The following DPP6 variants were observed in gnomAD, a reference collection of about 807,000 sequenced individuals.
DPP6 encodes the protein dipeptidyl peptidase like 6, also known as A-type potassium channel modulatory protein DPP6.
A neutral mutation model predicts 122.6 loss-of-function variants in DPP6; 69 were observed. That is an observed-to-expected ratio of 0.56 (90% CI 0.46 to 0.69). The LOEUF (loss-of-function observed/expected upper bound fraction) is 0.69. Among genes scored for constraint, DPP6 ranks in the 30% least tolerant of loss-of-function variants. The probability of loss-of-function intolerance (pLI) is 0.00; values close to 1 mark genes in which losing one functional copy is unlikely to be tolerated. For synonymous variants in DPP6, 418 were observed against 433.1 expected, an observed-to-expected ratio of 0.97 and a Z score of 0.43; for missense variants, 928 against 1,116.9, an observed-to-expected ratio of 0.83 and a Z score of 2.41.
chr7:154,468,410 C>T lies in DPP6; in HGVS notation c.359-6529C>T, dbSNP rs143837374. On this transcript the variant is annotated intron_variant, in intron 2 of 25. Coordinates refer to ENST00000377770, the MANE Select transcript of DPP6 (RefSeq NM_130797.4). ...GTCAGTAATGGTGCACAACTCTGAA[C>T]ATACTAAAACCATTGTGTTGTAGAC... Among the ~76,000 whole-genome samples, 28 of 152,248 alleles carry T rather than the reference C, an allele frequency of 1.8e-4. No homozygotes were observed. The East Asian group carries it at 5.4e-3, about 29-fold the overall frequency.
At chr7:154,867,784 AC>A (rs1239626803) in intron 17 of DPP6, among the ~76,000 whole-genome samples, 1 of 152,134 alleles carries the variant, frequency 6.6e-6, no homozygotes, top group Non-Finnish European at 1.5e-5. Context: ...TCTTTAATCC[AC>A]CCAAATTCCA....
rs1802841472 is a variant in DPP6 at position 154,067,886 on chromosome 7, AC to A, written c.243+14826del. On this transcript the variant is annotated intron_variant, in intron 1 of 25. Coordinates refer to ENST00000377770, the MANE Select transcript of DPP6 (RefSeq NM_130797.4). ...CAGCCTGTCAAGTGCATGCCACCAC[AC>A]CCACTCAAGGTTTTTTTTTGTTTTT... 2.7e-5 allele frequency among the ~76,000 whole-genome samples: 4 copies of A among 148,044 alleles called. No homozygotes were observed. In the East Asian group the frequency reaches 7.8e-4, roughly 29 times the overall value.
intron 1 of DPP6, among the ~76,000 whole-genome samples, chr7:153,915,951 ATTTAT>A (rs1159599531): frequency 5.7e-5 from 4 of 70,576 alleles, no homozygotes; most frequent in African/African-American, 1.8e-4. Flanking sequence ...ATTTTTATTT[ATTTAT>A]TTATTTATTT....
At chr7:154,495,590 A>G (rs1395922515) in intron 3 of DPP6, among the ~76,000 whole-genome samples, 1 of 152,020 alleles carries the variant, frequency 6.6e-6, no homozygotes, top group Non-Finnish European at 1.5e-5. Flanking sequence ...GGATTTCCCC[A>G]TGTTGGCCAG....
At chr7:154,243,861 T>C (rs1451436697) in intron 1 of DPP6, among the ~76,000 whole-genome samples, 1 of 151,780 alleles carries the variant, frequency 6.6e-6, no homozygotes, top group Admixed American at 6.6e-5. Context: ...AGAGAATTAT[T>C]TGACCTGAAA....
At chr7:154,667,866 C>T (rs909005510) in intron 6 of DPP6, among the ~76,000 whole-genome samples, 10 of 152,058 alleles carry the variant, frequency 6.6e-5, no homozygotes, top group African/African-American at 1.9e-4. Flanking sequence ...TCTGAATTGG[C>T]ATCGTCACTC....
rs543776278 is a variant in DPP6, at chr7:154,110,155, G to C, written c.243+57092G>C. On this transcript the variant is annotated intron_variant, in intron 1 of 25. Coordinates refer to ENST00000377770, the MANE Select transcript of DPP6 (RefSeq NM_130797.4). Reference sequence around the variant, plus strand: ...GTGGCTTTCAGGCTACCAATGGGTGGGGAGTTTTGTGCGAGAAAATGGACC... The same window carrying C: ...GTGGCTTTCAGGCTACCAATGGGTGCGGAGTTTTGTGCGAGAAAATGGACC... Among the ~76,000 whole-genome samples the C allele has an allele frequency of 3.3e-5, 5 of 152,126 alleles. No homozygotes were observed. In the East Asian group the frequency reaches 7.7e-4, roughly 24 times the overall value.
chr7:154,772,201 C>G (rs992920417), intron 9 of DPP6, among the ~76,000 whole-genome samples: 10 of 152,240 alleles, frequency 6.6e-5, no homozygotes, highest in Admixed American at 6.5e-4. Flanking sequence ...CCCATTCCCA[C>G]CCACTCCTAA....
chr7:154,644,232 A>T (rs1362984064), intron 6 of DPP6, among the ~76,000 whole-genome samples: 2 of 152,210 alleles, frequency 1.3e-5, no homozygotes, highest in African/African-American at 4.8e-5. Flanking sequence ...GGAAGATCAA[A>T]ATTCTGGATT....
chr7:154,077,214 C>T (rs181021179), intron 1 of DPP6, among the ~76,000 whole-genome samples: 2 of 152,218 alleles, frequency 1.3e-5, no homozygotes, highest in Admixed American at 1.3e-4. Flanking sequence ...TAACTCTGTA[C>T]TAAAGCCAAT....
chr7:153,827,791 T>A, the DPP6 span, among the ~76,000 whole-genome samples: 23 of 152,072 alleles, frequency 1.5e-4, no homozygotes, highest in Non-Finnish European at 2.6e-4. Flanking sequence ...AGTGAGAGAC[T>A]TCCCACTTCT....
At chr7:154,718,041 G>C (rs1563136632) in intron 7 of DPP6, among the ~76,000 whole-genome samples, 1 of 152,168 alleles carries the variant, frequency 6.6e-6, no homozygotes, top group Non-Finnish European at 1.5e-5. Context: ...TTTGCCATCT[G>C]TATGTCTTCT....
At chr7:153,799,523 A>C in the DPP6 span, among the ~76,000 whole-genome samples, 2 of 152,102 alleles carry the variant, frequency 1.3e-5, no homozygotes, top group Non-Finnish European at 2.9e-5. Flanking sequence ...CTCCATGTAC[A>C]CACCATCCCG....
intron 19 of DPP6, among the ~76,000 whole-genome samples, chr7:154,873,605 G>T (rs1421859203): frequency 6.6e-6 from 1 of 152,140 alleles, no homozygotes; most frequent in Non-Finnish European, 1.5e-5. Context: ...ATAGCAAAAA[G>T]GTTCCATTAT....
intron 1 of DPP6, among the ~76,000 whole-genome samples, chr7:154,102,743 G>A (rs1296691949): frequency 6.6e-6 from 1 of 152,140 alleles, no homozygotes; most frequent in Non-Finnish European, 1.5e-5. Flanking sequence ...TCTATTTCAT[G>A]TCAGACAACC....
rs887040805 is a variant in DPP6 at position 154,474,800 on chromosome 7, G to A, written c.359-139G>A. 22 of 617,640 alleles carry A rather than the reference G, an allele frequency of 3.6e-5. No homozygotes were observed. The African/African-American group carries it at 3.9e-4, about 11-fold the overall frequency. 38.3% of individuals were successfully genotyped at this position (617,640 alleles called of 1,614,324 possible). A position where few individuals can be genotyped will look rare whatever the true frequency, so the allele number is the denominator to read the frequency against. On this transcript the variant is annotated intron_variant, in intron 2 of 25. Transcript: ENST00000377770. The stretch of plus-strand genomic sequence containing the variant: ...TAATTAAAAACAGAATGCAAGACTG[G>A]CTTTTATCCCCATTCACTTATGGAC...
chr7:154,586,242 C>T (rs1586686445), intron 5 of DPP6, among the ~76,000 whole-genome samples: 1 of 152,044 alleles, frequency 6.6e-6, no homozygotes, highest in East Asian at 1.9e-4. Flanking sequence ...AATCTCAGCA[C>T]TTTAGGAGGC....
intron 1 of DPP6, among the ~76,000 whole-genome samples, chr7:154,178,954 C>T (rs967520009): frequency 2.0e-5 from 3 of 152,186 alleles, no homozygotes; most frequent in African/African-American, 4.8e-5. Context: ...GAGTGAGGCT[C>T]TCACTGGGGG....
At chr7:154,400,900 A>G (rs192768305) in intron 1 of DPP6, among the ~76,000 whole-genome samples, 61 of 152,282 alleles carry the variant, frequency 4.0e-4, no homozygotes, top group African/African-American at 1.4e-3. Context: ...TGAATTGCAC[A>G]GCTAATTTAA....
Sources: gnomAD v4.1 joint callset for allele counts (sites outside exome capture counted in the v4.1 genomes callset) on GRCh38, gnomAD v4.1.1 for gene constraint, MANE v1.5 for transcripts, NCBI Gene and HGNC (gene_info 2026-07-23, HGNC 2026-07-21) for gene names.